AHSA1: variants seen among roughly 807,000 people sequenced by gnomAD.
AHSA1 encodes the protein activator of HSP90 ATPase activity 1, also known as activator of 90 kDa heat shock protein ATPase homolog 1.
In AHSA1, 14 loss-of-function variants were observed where a neutral mutation model predicts 46.1. The ratio of observed to expected loss-of-function variants is 0.30; its 90% CI spans 0.20 to 0.47. The LOEUF (loss-of-function observed/expected upper bound fraction) is 0.47. Among genes scored for constraint, AHSA1 ranks in the 20% least tolerant of loss-of-function variants. AHSA1 has a pLI of 0.99. For missense variants in AHSA1, 333 were observed against 415.9 expected, an observed-to-expected ratio of 0.80 and a Z score of 1.73; for synonymous variants, 147 against 145.8, an observed-to-expected ratio of 1.01 and a Z score of -0.06.
chr14:77,463,029 C>T (rs988997870), intron 4 of AHSA1: 10 of 328,994 alleles, frequency 3.0e-5, no homozygotes, highest in Non-Finnish European at 4.8e-5. Flanking sequence ...CTTGTAATCC[C>T]AGCACTGTTG....
chr14:77,469,237 A>G lies in AHSA1; in HGVS notation c.1005A>G (p.Ala335=). ...EGIKQTFGYG[A]RLF ...TTAAACAGACCTTTGGCTATGGCGC[A>G]CGCTTATTTTAGGGCCAGCGGCAGG... is the stretch of plus-strand genomic sequence containing the variant. Residue 335 remains alanine (A), a synonymous_variant, in exon 9 of 9, where the codon GCA becomes GCG. Coordinates refer to ENST00000216479, the MANE Select transcript of AHSA1 (RefSeq NM_012111.3). 1 of 1,613,956 alleles carries G rather than the reference A, an allele frequency of 6.2e-7. No individual in the cohort carries two copies. Among genetic ancestry groups the G allele is most frequent in the South Asian group, 1.1e-5 (1 of 91,080 alleles).
At chr14:77,466,117 G>GCAAA (rs930152176) in intron 6 of AHSA1, among the ~76,000 whole-genome samples, 1 of 152,164 alleles carries the variant, frequency 6.6e-6, no homozygotes, top group Non-Finnish European at 1.5e-5. Flanking sequence ...GATTACAGGT[G>GCAAA]CAAACCACTG....
intron 2 of AHSA1, among the ~76,000 whole-genome samples, chr14:77,460,718 C>T (rs540201639): frequency 3.1e-4 from 47 of 151,676 alleles, no homozygotes; most frequent in South Asian, 2.1e-3. Flanking sequence ...CCCGCCACCA[C>T]GCCCGGCTAA....
chr14:77,459,898 T>C, intron 2 of AHSA1, 92 bp downstream of exon 2: 1 of 1,417,614 alleles, frequency 7.1e-7, no homozygotes, highest in South Asian at 1.2e-5. Context: ...GTTACAGACC[T>C]TGAAGGGAGA....
chr14:77,459,697 C>G lies in AHSA1; in HGVS notation c.162C>G (p.Gly54=). 6.2e-7 allele frequency: 1 copy of G among 1,614,094 alleles called. No individual in the cohort carries two copies. Among genetic ancestry groups the G allele is most frequent in the South Asian group, 1.1e-5 (1 of 91,078 alleles). The change falls in exon 2 of 9, where the codon GGC becomes GGG. Residue 54 remains glycine (G), a synonymous_variant. Coordinates refer to ENST00000216479, the MANE Select transcript of AHSA1 (RefSeq NM_012111.3). The part of the protein sequence containing the change: ...FLAVQVQNEE[G]KCEVTEVSKL... ...CAGTGCAGGTTCAAAATGAAGAAGG[C>G]AAGTGTGAGGTGACGGAAGTGAGTA...
chr14:77,468,755 C>CTTTTTTT (rs770728219), intron 8 of AHSA1: 2 of 327,432 alleles, frequency 6.1e-6, no homozygotes, highest in Admixed American at 6.8e-5. Context: ...TACTTTTTTA[C>CTTTTTTT]TTTTTTTGTA....
At chr14:77,462,085 G>T in intron 2 of AHSA1, 75 bp from the exon 3 acceptor site, 1 of 1,082,004 alleles carries the variant, frequency 9.2e-7, no homozygotes, top group African/African-American at 1.5e-5. Flanking sequence ...CAGAAGTGAG[G>T]TAGCAGTTAG....
intron 2 of AHSA1, among the ~76,000 whole-genome samples, chr14:77,461,587 TAGA>T (rs1179363847): frequency 6.6e-6 from 1 of 152,082 alleles, no homozygotes; most frequent in Middle Eastern, 3.2e-3. Context: ...TATGGAATGG[TAGA>T]AGGAGAGTCA....
chr14:77,462,623 C>T lies in AHSA1; in HGVS notation c.355-19C>T. Reference sequence around the variant, plus strand: ...TGCCCCTCAAGTTATTTACCACCTACTTCTCATCTTTCACCCAGATTAGTG... The same window carrying T: ...TGCCCCTCAAGTTATTTACCACCTATTTCTCATCTTTCACCCAGATTAGTG... On this transcript the variant is annotated intron_variant, in intron 3 of 8. Coordinates refer to ENST00000216479, the MANE Select transcript of AHSA1 (RefSeq NM_012111.3). 6.2e-7 allele frequency: 1 copy of T among 1,611,450 alleles called. No homozygotes were observed. The highest frequency in any genetic ancestry group is 8.5e-7 in the Non-Finnish European group (1 of 1,177,538).
chr14:77,465,869 C>T lies in AHSA1; in HGVS notation c.690+202C>T, dbSNP rs1207078197. ...ACGGAGTCTCGCTCTGTCACCTGCC[C>T]AGGCTGGAGTGCAGTGGCACAATCT... On this transcript the variant is annotated intron_variant, in intron 6 of 8. Coordinates refer to ENST00000216479, the MANE Select transcript of AHSA1 (RefSeq NM_012111.3). Among the ~76,000 whole-genome samples, 3 of 152,124 alleles carry T rather than the reference C, an allele frequency of 2.0e-5. No homozygotes were observed. In the East Asian group the frequency reaches 5.8e-4, roughly 29 times the overall value.
chr14:77,466,133 G>A (rs886207133), intron 6 of AHSA1, among the ~76,000 whole-genome samples: 7 of 152,070 alleles, frequency 4.6e-5, no homozygotes, highest in African/African-American at 1.7e-4. Flanking sequence ...CACTGTGCTC[G>A]GCCATATTTA....
rs978577635 is a variant in AHSA1 at position 77,469,333 on chromosome 14, C to G, written c.*84C>G. 3.3e-6 allele frequency: 5 copies of G among 1,519,758 alleles called. No individual in the cohort carries two copies. The South Asian group carries it at 6.3e-5, about 19-fold the overall frequency. The allele number at this position is 1,519,758 out of a possible 1,614,324, so 94.1% of individuals were successfully genotyped here. A position where few individuals can be genotyped will look rare whatever the true frequency, so the allele number is the denominator to read the frequency against. Reference sequence around the variant, plus strand: ...GGGCTTGCGACTCACAGGATTGCATCGTCCCAGCTGCTAACTTGGGGCCGG... The same window carrying G: ...GGGCTTGCGACTCACAGGATTGCATGGTCCCAGCTGCTAACTTGGGGCCGG... On this transcript the variant is annotated 3_prime_UTR_variant, in exon 9 of 9. Transcript: ENST00000216479.
chr14:77,459,798 A>T lies in AHSA1; in HGVS notation c.263A>T (p.Asn88Ile). The T allele has an allele frequency of 6.2e-7, 1 of 1,614,202 alleles. No individual in the cohort carries two copies. Among genetic ancestry groups the T allele is most frequent in the Non-Finnish European group, 8.5e-7 (1 of 1,180,004 alleles). ...IFFYEWSVKL[N>I]WTGTSKSGVQ... ...TTTTATGAATGGAGCGTCAAACTAAACTGGACAGGTAAGTCTAAGCTGGGC... is the reference window on the plus strand; with the variant it reads ...TTTTATGAATGGAGCGTCAAACTAATCTGGACAGGTAAGTCTAAGCTGGGC... Residue 88 changes from asparagine (N) to isoleucine (I), a missense_variant, in exon 2 of 9, where the codon AAC (asparagine) becomes ATC (isoleucine). Transcript: ENST00000216479.
chr14:77,458,429 C>T (rs537116227), intron 1 of AHSA1, among the ~76,000 whole-genome samples, 160 bp downstream of exon 1: 1 of 152,272 alleles, frequency 6.6e-6, no homozygotes, highest in Non-Finnish European at 1.5e-5. Context: ...CCCCAGGCCT[C>T]TCCACTCCGC....
At chr14:77,465,263 C>A (rs2079042982) in intron 5 of AHSA1, among the ~76,000 whole-genome samples, 1 of 152,202 alleles carries the variant, frequency 6.6e-6, no homozygotes, top group African/African-American at 2.4e-5. Flanking sequence ...TTACACTGAG[C>A]TCTTCAAAAA....
In AHSA1 at chr14:77,469,289, T is replaced by G; in HGVS notation, c.*40T>G. 6.2e-7 allele frequency: 1 copy of G among 1,600,792 alleles called. No homozygotes were observed. The highest frequency in any genetic ancestry group is 8.5e-7 in the Non-Finnish European group (1 of 1,172,088). ...GACTCCAGCCTGCTGGACACTTCAG[T>G]CCAGCTCTCTCCTGACTGGGGCTTG... On this transcript the variant is annotated 3_prime_UTR_variant, in exon 9 of 9. Transcript: ENST00000216479.
Position 77,463,594 on chromosome 14 carries a change from AAAAAAC to A in AHSA1, c.472+841_472+846del, listed in dbSNP as rs1555369531. On this transcript the variant is annotated intron_variant, in intron 4 of 8. Transcript: ENST00000216479. ...GAGGGAGACTCCATCTCAAAAAAAAAAAAAACAAAAAAAAAACTGTATTTGAGGCTC... is the reference window on the plus strand; with the variant it reads ...GAGGGAGACTCCATCTCAAAAAAAAAAAAAAAAAAACTGTATTTGAGGCTC... Among the ~76,000 whole-genome samples, 180 of 144,292 alleles carry A rather than the reference AAAAAAC, an allele frequency of 1.2e-3. 5 individuals carry two copies. The South Asian group carries it at 0.023, about 19-fold the overall frequency. The allele number at this position is 144,292 out of a possible 152,430, so 94.7% of individuals were successfully genotyped here. A position where few individuals can be genotyped will look rare whatever the true frequency, so the allele number is the denominator to read the frequency against.
At chr14:77,464,790 A>G (rs778799250) in intron 5 of AHSA1, 104 bp downstream of exon 5, 6 of 969,540 alleles carry the variant, frequency 6.2e-6, no homozygotes, top group Non-Finnish European at 9.2e-6. Flanking sequence ...TCTAAGCCAG[A>G]CCAGCCTGCG....
chr14:77,468,004 C>A, intron 6 of AHSA1, 79 bp from the exon 7 acceptor site: 2 of 1,004,306 alleles, frequency 2.0e-6, no homozygotes, highest in Non-Finnish European at 2.8e-6. Context: ...CAGCCTTCAG[C>A]TGGCATTTGT....
Sources: gnomAD v4.1 joint callset for allele counts (sites outside exome capture counted in the v4.1 genomes callset) on GRCh38, gnomAD v4.1.1 for gene constraint, MANE v1.5 for transcripts, NCBI Gene and HGNC (gene_info 2026-07-23, HGNC 2026-07-21) for gene names.